Variants in SGSH observed in about 807,000 individuals in gnomAD.
SGSH encodes N-sulfoglucosamine sulfohydrolase.
A neutral mutation model predicts 51.0 loss-of-function variants in SGSH; 48 were observed. That is an observed-to-expected ratio of 0.94 (90% CI 0.75 to 1.20). The LOEUF is 1.20. Among genes scored for constraint, SGSH ranks in the 50% most tolerant of loss-of-function variants. SGSH has a pLI of 0.00. For synonymous variants in SGSH, 321 were observed against 313.4 expected (o/e 1.02, Z -0.26); for missense variants, 662 against 717.8 (o/e 0.92, Z 0.89).
At position 80,214,232 on chromosome 17, in the gene SGSH, C is replaced by A; in HGVS notation, c.603G>T (p.Glu201Asp). 1 of 1,613,108 alleles carries A rather than the reference C, an allele frequency of 6.2e-7. No homozygotes were observed. Among genetic ancestry groups the A allele is most frequent in the South Asian group, 1.1e-5 (1 of 91,042 alleles). ...AGTCTGGGATACGACCCATGCCGCT[C>A]TCTCCGTTGCCAAACTTCTCACAGA... ...GTFCEKFGNGESGMGRIPDWT... is the reference protein window; with the variant it reads ...GTFCEKFGNGDSGMGRIPDWT... Residue 201 changes from glutamate (E) to aspartate (D), a missense_variant, in exon 5 of 8, where the codon GAG becomes GAT. By Grantham distance (45) the Glu-to-Asp change is conservative. Coordinates refer to ENST00000326317, the MANE Select transcript of SGSH (RefSeq NM_000199.5).
rs1020191836 is a variant in SGSH, at chr17:80,212,913, G to A, written c.746-639C>T. ...TCCTTATAAGAAGCGGAAACAGGCC[G>A]GGCGCGGTGCCTCACACCTGTAATC... On this transcript the variant is annotated intron_variant, in intron 6 of 7. Coordinates refer to ENST00000326317, the MANE Select transcript of SGSH (RefSeq NM_000199.5). This position sits in a 1 kb window ranked among gnomAD's most constrained non-coding sequence, Gnocchi z 5.9. 133 of 162,448 alleles carry A rather than the reference G, an allele frequency of 8.2e-4. 2 individuals are homozygous for A. The highest frequency in any genetic ancestry group is 3.6e-4 in the East Asian group (2 of 5,556). 10.1% of individuals were successfully genotyped at this position (162,448 alleles called of 1,614,324 possible).
the SGSH span, chr17:80,201,543 C>T: frequency 6.6e-6 from 4 of 602,228 alleles, no homozygotes; most frequent in Non-Finnish European, 1.2e-5. This position sits in a 1 kb window ranked among gnomAD's most constrained non-coding sequence, Gnocchi z 5.0. Context: ...CTGGCCAGCA[C>T]TATGTGTAGC....
chr17:80,215,686 GCGGGCGC>G (rs2041864558), intron 2 of SGSH, among the ~76,000 whole-genome samples: 3 of 152,154 alleles, frequency 2.0e-5, no homozygotes, highest in Non-Finnish European at 4.4e-5. Context: ...GGGCGTGGTG[GCGGGCGC>G]CTGTAGTCCC....
At position 80,210,398 on chromosome 17, in the gene SGSH, T is replaced by C; in HGVS notation, c.*54A>G. ...CAGGCTGGCCGGCCACACGGACACGTGTGGGATGTGTCTGGGACATGCCTG... is the reference window on the plus strand; with the variant it reads ...CAGGCTGGCCGGCCACACGGACACGCGTGGGATGTGTCTGGGACATGCCTG... On this transcript the variant is annotated 3_prime_UTR_variant, in exon 8 of 8. Coordinates refer to ENST00000326317, the MANE Select transcript of SGSH (RefSeq NM_000199.5). 1.3e-6 allele frequency: 2 copies of C among 1,525,270 alleles called. No homozygotes were observed. The highest frequency in any genetic ancestry group is 1.8e-6 in the Non-Finnish European group (2 of 1,138,924). 94.5% of individuals were successfully genotyped at this position (1,525,270 alleles called of 1,614,324 possible).
At chr17:80,205,338 G>C, downstream of SGSH, 1 of 1,159,378 alleles carries the variant, frequency 8.6e-7, no homozygotes, top group Non-Finnish European at 1.2e-6. Flanking sequence ...CTCACCTGCT[G>C]TGTCCAGATA....
chr17:80,201,505 G>A, the SGSH span: 25 of 535,440 alleles, frequency 4.7e-5, no homozygotes, highest in East Asian at 2.7e-4. The surrounding 1 kb of genome is among the most constrained non-coding windows in gnomAD (Gnocchi z 5.0). Flanking sequence ...CCCCGATCTC[G>A]ACTGGGGAAG....
At chr17:80,218,902 C>T (rs532472321) in intron 1 of SGSH, among the ~76,000 whole-genome samples, 4 of 152,136 alleles carry the variant, frequency 2.6e-5, no homozygotes, top group South Asian at 4.1e-4. Flanking sequence ...GTTTCATGCC[C>T]GTAAGCCCAG....
downstream of SGSH, chr17:80,205,668 G>T (rs369768291): frequency 2.0e-6 from 3 of 1,537,870 alleles, no homozygotes; most frequent in African/African-American, 2.7e-5. Flanking sequence ...GTCAAGGGCG[G>T]GGTGGGCAGG....
chr17:80,206,537 G>A (rs1223957435), downstream of SGSH, among the ~76,000 whole-genome samples: 8 of 152,178 alleles, frequency 5.3e-5, no homozygotes, highest in African/African-American at 1.9e-4. Flanking sequence ...AGGCCGAGGC[G>A]GGCAGATCAC....
chr17:80,202,407 C>A (rs769632837), downstream of SGSH: 15 of 1,611,826 alleles, frequency 9.3e-6, no homozygotes, highest in East Asian at 3.1e-4. Flanking sequence ...CGGCACCATC[C>A]CCAACTACTC....
downstream of SGSH, chr17:80,203,660 G>GGA: frequency 1.8e-6 from 1 of 565,496 alleles, no homozygotes; most frequent in East Asian, 3.1e-5. The surrounding 1 kb of genome is among the most constrained non-coding windows in gnomAD (Gnocchi z 4.6). Flanking sequence ...ATGGCCGCCA[G>GGA]GATGGAGCGC....
At position 80,211,160 on chromosome 17, in the gene SGSH, G is replaced by A. The variant is rs925506544; in HGVS notation, c.950-149C>T. On this transcript the variant is annotated intron_variant, in intron 7 of 7. Coordinates refer to ENST00000326317, the MANE Select transcript of SGSH (RefSeq NM_000199.5). ...CCTTGTCGAGCCGACACCTCTCACC[G>A]CCACGTCATCTCTCTGGGCCTCAGT... 28 of 1,516,324 alleles carry A rather than the reference G, an allele frequency of 1.8e-5. No homozygotes were observed. In the East Asian group the frequency reaches 2.7e-4, roughly 15 times the overall value. 93.9% of individuals were successfully genotyped at this position (1,516,324 alleles called of 1,614,324 possible).
At chr17:80,202,389 G>A, downstream of SGSH, 1 of 1,613,036 alleles carries the variant, frequency 6.2e-7, no homozygotes, top group Non-Finnish European at 8.5e-7. Context: ...GAAGGATACT[G>A]CCGCGCACGG....
rs1026419541 is a variant in SGSH at position 80,209,992 on chromosome 17, C to A, written c.*460G>T. 9.6e-7 allele frequency: 1 copy of A among 1,037,600 alleles called. No homozygotes were observed. Among genetic ancestry groups the A allele is most frequent in the Admixed American group, 5.0e-5 (1 of 20,050 alleles). 64.3% of individuals were successfully genotyped at this position (1,037,600 alleles called of 1,614,324 possible). Reference sequence around the variant, plus strand: ...GTCGGTGGGACCTGCGTACTGCCCACGCGGCACCGAAGCCCCTGCCTGCTC... The same window carrying A: ...GTCGGTGGGACCTGCGTACTGCCCAAGCGGCACCGAAGCCCCTGCCTGCTC... On this transcript the variant is annotated 3_prime_UTR_variant, in exon 8 of 8. Transcript: ENST00000326317.
downstream of SGSH, chr17:80,209,212 A>G (rs540227743): frequency 2.4e-5 from 18 of 735,148 alleles, no homozygotes; most frequent in South Asian, 1.0e-3. Flanking sequence ...ACTGAATGTC[A>G]TTTTGACAGC....
Position 80,210,108 on chromosome 17 carries a change from A to C in SGSH, c.*344T>G. ...GCAGGTCCCCAAACCAAGCCAGAAA[A>C]CAAGACTCCCTTGTCATGGGCTGGG... On this transcript the variant is annotated 3_prime_UTR_variant, in exon 8 of 8. Coordinates refer to ENST00000326317, the MANE Select transcript of SGSH (RefSeq NM_000199.5). 8.5e-7 allele frequency: 1 copy of C among 1,173,982 alleles called. No individual in the cohort carries two copies. 72.7% of individuals were successfully genotyped at this position (1,173,982 alleles called of 1,614,324 possible). A position where few individuals can be genotyped will look rare whatever the true frequency, so the allele number is the denominator to read the frequency against.
intron 7 of SGSH, chr17:80,211,711 A>G (rs2041672972): frequency 5.4e-6 from 2 of 367,410 alleles, no homozygotes; most frequent in Admixed American, 3.9e-5. Context: ...CAAATTCTTG[A>G]GCCCGCCAAG....
downstream of SGSH, chr17:80,206,953 C>T (rs1373202027): frequency 3.1e-5 from 50 of 1,589,010 alleles, no homozygotes; most frequent in Non-Finnish European, 3.9e-5. Flanking sequence ...CTCACTTCTT[C>T]TCTCCCTCCC....
chr17:80,203,689 G>A (rs1006401627), downstream of SGSH: 1 of 634,122 alleles, frequency 1.6e-6, no homozygotes, highest in African/African-American at 1.9e-5. This position sits in a 1 kb window ranked among gnomAD's most constrained non-coding sequence, Gnocchi z 4.6. Context: ...GCAGCAAAGG[G>A]ATGTGTGGAG....
Sources: allele counts gnomAD v4.1 joint callset (sites outside exome capture counted in the v4.1 genomes callset), GRCh38; gene constraint gnomAD v4.1.1; non-coding constraint Gnocchi (gnomAD v3.1); transcripts MANE v1.5; gene names NCBI Gene and HGNC (gene_info 2026-07-23, HGNC 2026-07-21).